Variants in POU2F2 observed in about 807,000 individuals in gnomAD.
The protein encoded by POU2F2 is POU class 2 homeobox 2.
A neutral mutation model predicts 63.5 loss-of-function variants in POU2F2; 14 were observed. The ratio of observed to expected loss-of-function variants is 0.22; its 90% CI spans 0.15 to 0.34. The LOEUF is 0.34. Among genes scored for constraint, POU2F2 ranks in the 10% least tolerant of loss-of-function variants. The probability of loss-of-function intolerance (pLI) is 1.00; values close to 1 mark genes in which losing one functional copy is unlikely to be tolerated. For synonymous variants in POU2F2, 306 were observed against 348.6 expected, an observed-to-expected ratio of 0.88 and a Z score of 1.36; for missense variants, 607 against 815.2, an observed-to-expected ratio of 0.74 and a Z score of 3.11.
At position 42,139,091 on chromosome 19, in the gene POU2F2, C is replaced by T. The variant is rs138782490; in HGVS notation, c.-8-16515G>A. Among the ~76,000 whole-genome samples, 92 of 152,160 alleles carry T rather than the reference C, an allele frequency of 6.0e-4. 1 individual carries two copies. The East Asian group carries it at 0.016, about 26-fold the overall frequency. On this transcript the variant is annotated intron_variant, in intron 2 of 6. Transcript: ENST00000524801. ...CAGCACTTTGCAAGGTCGACGAGGG[C>T]GGATCACCTGAGGTCAGGAGTTCAA...
upstream of POU2F2, among the ~76,000 whole-genome samples, chr19:42,179,782 G>A (rs768482177): frequency 8.5e-5 from 13 of 152,120 alleles, no homozygotes; most frequent in African/African-American, 1.4e-4. Flanking sequence ...CCCCGTGGGC[G>A]TACAAAGTAA....
chr19:42,123,960 C>T (rs1484428819), intron 1 of POU2F2, among the ~76,000 whole-genome samples: 1 of 152,114 alleles, frequency 6.6e-6, no homozygotes, highest in Non-Finnish European at 1.5e-5. Flanking sequence ...GACCCCACTC[C>T]TACTAAAGGA....
At chr19:42,184,046 A>T (rs1408130911) in intron 1 of POU2F2, among the ~76,000 whole-genome samples, 2 of 134,780 alleles carry the variant, frequency 1.5e-5, no homozygotes, top group Non-Finnish European at 3.0e-5. Flanking sequence ...TCCCTCTGTC[A>T]TCCAGGCTGG....
intron 5 of POU2F2, chr19:42,110,843 A>G (rs1335901252): frequency 2.4e-6 from 1 of 419,344 alleles, no homozygotes; most frequent in Non-Finnish European, 4.9e-6. Flanking sequence ...AATGGCAGTC[A>G]TTATGACTGA....
chr19:42,098,751 T>TA lies in POU2F2; in HGVS notation c.567+775_567+776insT, dbSNP rs766477918. Among the ~76,000 whole-genome samples, 5 of 152,212 alleles carry TA rather than the reference T, an allele frequency of 3.3e-5. No homozygotes were observed. The East Asian group carries it at 5.8e-4, about 18-fold the overall frequency. ...GTCCTTCTGAAATAGTTCACATATATTTTTTTAAAGGGCTATAAAAAATGG... is the reference window on the plus strand; with the variant it reads ...GTCCTTCTGAAATAGTTCACATATATATTTTTTAAAGGGCTATAAAAAATGG... On this transcript the variant is annotated intron_variant, in intron 7 of 14. Coordinates refer to ENST00000692977, the MANE Select transcript of POU2F2 (RefSeq NM_001394376.1).
In POU2F2 at chr19:42,156,602, C is replaced by T. The variant is rs1461688191; in HGVS notation, c.-9+3730G>A. The T allele has an allele frequency of 6.6e-6, 1 of 152,528 alleles. No homozygotes were observed. The highest frequency in any genetic ancestry group is 2.1e-4 in the South Asian group (1 of 4,828). 9.4% of individuals were successfully genotyped at this position (152,528 alleles called of 1,614,324 possible). On this transcript the variant is annotated intron_variant, in intron 2 of 6. Coordinates refer to the POU2F2 transcript ENST00000524801. The surrounding 1 kb of genome is among the most constrained non-coding windows in gnomAD (Gnocchi z 4.1). ...CAAGCCACATCTGGAATAGCACACACCCTATTCCACTAGCCAAAGCCCCCA... is the reference window on the plus strand; with the variant it reads ...CAAGCCACATCTGGAATAGCACACATCCTATTCCACTAGCCAAAGCCCCCA...
intron 1 of POU2F2, among the ~76,000 whole-genome samples, chr19:42,185,158 C>A (rs1387559232): frequency 6.6e-6 from 1 of 152,026 alleles, no homozygotes; most frequent in Non-Finnish European, 1.5e-5. Context: ...ACAATATCAC[C>A]CAGCTTTTTC....
intron 1 of POU2F2, among the ~76,000 whole-genome samples, chr19:42,188,532 G>A (rs1169162184): frequency 8.6e-5 from 13 of 151,636 alleles, no homozygotes; most frequent in South Asian, 2.1e-4. Flanking sequence ...TTAGCCGGGC[G>A]TGGTGGCAGA....
In POU2F2 at chr19:42,153,592, G is replaced by A. The variant is rs774186810; in HGVS notation, c.-9+6740C>T. Among the ~76,000 whole-genome samples, 30 of 152,118 alleles carry A rather than the reference G, an allele frequency of 2.0e-4. No homozygotes were observed. The highest frequency in any genetic ancestry group is 1.3e-4 in the Admixed American group (2 of 15,270). On this transcript the variant is annotated intron_variant, in intron 2 of 6. Transcript: ENST00000524801. This position sits in a 1 kb window ranked among gnomAD's most constrained non-coding sequence, Gnocchi z 5.6. ...CTGCGTGTGCTTCAGGGATCTGCGC[G>A]GTGGTCTCTATGTGTACTGGAAGCA...
intron 1 of POU2F2, among the ~76,000 whole-genome samples, chr19:42,189,588 G>C (rs535902179): frequency 6.6e-6 from 1 of 152,038 alleles, no homozygotes; most frequent in Non-Finnish European, 1.5e-5. Flanking sequence ...AGCAAGAGTC[G>C]GTCTCTGTTG....
At chr19:42,126,990 C>T (rs886176103) in intron 1 of POU2F2, among the ~76,000 whole-genome samples, 11 of 152,182 alleles carry the variant, frequency 7.2e-5, no homozygotes, top group Non-Finnish European at 1.5e-4. Flanking sequence ...AATCACGGCT[C>T]ACTGCAGCCT....
Position 42,117,173 on chromosome 19 carries a change from A to G in POU2F2, c.369+77T>C. On this transcript the variant is annotated intron_variant, in intron 5 of 14. Transcript: ENST00000692977. The surrounding 1 kb of genome is among the most constrained non-coding windows in gnomAD (Gnocchi z 4.4). The stretch of plus-strand genomic sequence containing the variant: ...AGAGTGGCCATGGCCTTGGTGGAAC[A>G]GTTCATCCACTAGCCCTGTAACAGA... The G allele has an allele frequency of 1.7e-6, 2 of 1,185,264 alleles. No individual in the cohort carries two copies. The highest frequency in any genetic ancestry group is 2.6e-5 in the East Asian group (1 of 37,908). The allele number at this position is 1,185,264 out of a possible 1,614,324, so 73.4% of individuals were successfully genotyped here.
chr19:42,156,094 C>G lies in POU2F2; in HGVS notation c.-9+4238G>C, dbSNP rs1318144635. The G allele has an allele frequency of 3.3e-5, 5 of 152,154 alleles. No individual in the cohort carries two copies. The highest frequency in any genetic ancestry group is 1.2e-4 in the African/African-American group (5 of 41,410). 9.4% of individuals were successfully genotyped at this position (152,154 alleles called of 1,614,324 possible). On this transcript the variant is annotated intron_variant, in intron 2 of 6. Transcript: ENST00000524801. This position sits in a 1 kb window ranked among gnomAD's most constrained non-coding sequence, Gnocchi z 4.1. Reference sequence around the variant, plus strand: ...AGCCCTCACCAGTGCTTCGAAGAGCCCTGAGGAACGTCTCTCTATTTGAAG... The same window carrying G: ...AGCCCTCACCAGTGCTTCGAAGAGCGCTGAGGAACGTCTCTCTATTTGAAG...
chr19:42,095,836 T>C lies in POU2F2; in HGVS notation c.823A>G (p.Asn275Asp), dbSNP rs2076900494. ...RFEALNLSFK[N>D]MCKLKPLLEK... ...AGGAGGGGCTTGAGTTTGCACATGT[T>C]CTTGAAGCTCAGGTTGAGGGCCTCG... The change falls in exon 9 of 15, where the codon AAC (asparagine) becomes GAC (aspartate). Residue 275 changes from asparagine (N) to aspartate (D), a missense_variant. By Grantham distance (23) the Asn-to-Asp change is conservative. This residue lies in a region of POU2F2 where 25 missense variants were observed against 92.3 expected (regional missense o/e 0.27). Transcript: ENST00000692977. This position sits in a 1 kb window ranked among gnomAD's most constrained non-coding sequence, Gnocchi z 7.1. 6.2e-7 allele frequency: 1 copy of C among 1,613,892 alleles called. No homozygotes were observed.
At chr19:42,121,991 G>A (rs2032672565) in intron 4 of POU2F2, 135 bp downstream of exon 4, 1 of 923,706 alleles carries the variant, frequency 1.1e-6, no homozygotes. Context: ...GCCCAAGAGT[G>A]AGAAGGGGCG....
intron 1 of POU2F2, among the ~76,000 whole-genome samples, chr19:42,192,469 C>T (rs746280713): frequency 2.0e-5 from 3 of 152,138 alleles, no homozygotes; most frequent in Non-Finnish European, 4.4e-5. Context: ...GTACCTAGGA[C>T]AGGTGTTTAA....
intron 1 of POU2F2, among the ~76,000 whole-genome samples, chr19:42,129,925 C>G (rs1005374071): frequency 2.6e-5 from 4 of 152,194 alleles, no homozygotes; most frequent in Admixed American, 1.3e-4. Context: ...GGCAAGGCCC[C>G]GGCCAACACA....
chr19:42,152,272 C>T lies in POU2F2; in HGVS notation c.-9+8060G>A, dbSNP rs939839170. 1.3e-5 allele frequency among the ~76,000 whole-genome samples: 2 copies of T among 152,028 alleles called. No individual in the cohort carries two copies. The highest frequency in any genetic ancestry group is 4.8e-5 in the African/African-American group (2 of 41,382). On this transcript the variant is annotated intron_variant, in intron 2 of 6. Transcript: ENST00000524801. This position sits in a 1 kb window ranked among gnomAD's most constrained non-coding sequence, Gnocchi z 4.1. Reference sequence around the variant, plus strand: ...CTCCTATGAAGGCTGAGGTGACTCTCGGGGAGAGGGCCGCAGCGAAGAAGA... The same window carrying T: ...CTCCTATGAAGGCTGAGGTGACTCTTGGGGAGAGGGCCGCAGCGAAGAAGA...
intron 14 of POU2F2, 55 bp downstream of exon 14, chr19:42,091,812 G>A (rs965780008): frequency 1.1e-5 from 17 of 1,541,422 alleles, no homozygotes; most frequent in Middle Eastern, 1.7e-4. Context: ...GGCAGGGCTC[G>A]AGGCCCCAGA....
Sources: allele counts gnomAD v4.1 joint callset (sites outside exome capture counted in the v4.1 genomes callset), GRCh38; gene constraint gnomAD v4.1.1; regional missense constraint gnomAD v4.1.1; non-coding constraint Gnocchi (gnomAD v3.1); transcripts MANE v1.5; gene names NCBI Gene and HGNC (gene_info 2026-07-23, HGNC 2026-07-21).